Variants in GNAQ observed in about 807,000 individuals in gnomAD.
The protein encoded by GNAQ is guanine nucleotide-binding protein G(q) subunit alpha.
GNAQ carries 8 observed loss-of-function variants against 43.9 expected under a neutral mutation model. That is an observed-to-expected ratio of 0.18 (90% confidence interval 0.11 to 0.33). GNAQ has a LOEUF of 0.33. GNAQ is among the 10% of genes least tolerant of loss of function. The probability of loss-of-function intolerance (pLI) is 1.00; values close to 1 mark genes in which losing one functional copy is unlikely to be tolerated. For missense variants in GNAQ, 158 were observed against 450.8 expected (o/e 0.35, Z 5.88); for synonymous variants, 155 against 170.7 (o/e 0.91, Z 0.71).
chr9:77,801,765 C>T (rs1406383129), intron 3 of GNAQ, among the ~76,000 whole-genome samples: 1 of 152,120 alleles, frequency 6.6e-6, no homozygotes, highest in Non-Finnish European at 1.5e-5. Context: ...AACAAAACCT[C>T]CAACTAAACA....
chr9:78,012,993 CA>C (rs575530074), intron 1 of GNAQ, among the ~76,000 whole-genome samples: 1 of 151,858 alleles, frequency 6.6e-6, no homozygotes, highest in East Asian at 1.9e-4. Flanking sequence ...CAGAGATGGA[CA>C]AAAGACAGTG....
At chr9:77,926,196 A>G (rs1351509045) in intron 1 of GNAQ, among the ~76,000 whole-genome samples, 1 of 152,200 alleles carries the variant, frequency 6.6e-6, no homozygotes, top group African/African-American at 2.4e-5. Flanking sequence ...CAAATGTGTA[A>G]GCCAAATTTC....
At chr9:77,760,776 G>C (rs1233151707) in intron 5 of GNAQ, among the ~76,000 whole-genome samples, 2 of 150,770 alleles carry the variant, frequency 1.3e-5, no homozygotes, top group African/African-American at 2.4e-5. Flanking sequence ...GCCTCTTCCC[G>C]GCCGCCATCC....
chr9:78,010,017 A>G (rs1823754698), intron 1 of GNAQ, among the ~76,000 whole-genome samples: 1 of 152,208 alleles, frequency 6.6e-6, no homozygotes, highest in Non-Finnish European at 1.5e-5. Context: ...AATTGTTGGG[A>G]TAATTTATTT....
At chr9:78,008,581 TTTCATTTC>T (rs1823734117) in intron 1 of GNAQ, among the ~76,000 whole-genome samples, 1 of 124,106 alleles carries the variant, frequency 8.1e-6, no homozygotes, top group Non-Finnish European at 1.7e-5. Context: ...TTTCATTTCA[TTTCATTTC>T]ATTTCATTTC....
At chr9:77,973,307 T>C (rs775958911) in intron 1 of GNAQ, among the ~76,000 whole-genome samples, 2 of 152,194 alleles carry the variant, frequency 1.3e-5, no homozygotes, top group Admixed American at 1.3e-4. Flanking sequence ...CCCCAGTCCT[T>C]GTCCCTGCAT....
intron 1 of GNAQ, among the ~76,000 whole-genome samples, chr9:77,978,999 C>A (rs374432152): frequency 7.2e-5 from 11 of 152,246 alleles, no homozygotes; most frequent in African/African-American, 2.6e-4. Flanking sequence ...GAGGTTGCCT[C>A]TGCCTAGATT....
At chr9:77,841,084 T>TA (rs138104311) in intron 2 of GNAQ, among the ~76,000 whole-genome samples, 4,725 of 151,906 alleles carry the variant, frequency 0.031, 212 homozygotes, top group African/African-American at 0.1. Flanking sequence ...GTATTCATGT[T>TA]AAAAAAACAA....
At chr9:78,002,045 T>C (rs965559050) in intron 1 of GNAQ, among the ~76,000 whole-genome samples, 3 of 152,224 alleles carry the variant, frequency 2.0e-5, no homozygotes, top group African/African-American at 4.8e-5. Context: ...GATTTGTCAA[T>C]ATAAGGCCAT....
chr9:77,841,685 A>G (rs543087626), intron 2 of GNAQ, among the ~76,000 whole-genome samples: 2 of 152,342 alleles, frequency 1.3e-5, no homozygotes, highest in South Asian at 4.1e-4. Flanking sequence ...AGTAAGTGAA[A>G]CAAATAATAT....
intron 2 of GNAQ, among the ~76,000 whole-genome samples, chr9:77,830,277 C>A (rs188361962): frequency 2.0e-5 from 3 of 152,124 alleles, no homozygotes; most frequent in African/African-American, 7.2e-5. Flanking sequence ...TAATGCCCCC[C>A]CAAGTGGTCT....
intron 5 of GNAQ, among the ~76,000 whole-genome samples, chr9:77,780,618 T>G (rs1826380016): frequency 6.6e-6 from 1 of 152,162 alleles, no homozygotes; most frequent in South Asian, 2.1e-4. Context: ...TTGCTTTGGA[T>G]AAAGGCCCTA....
chr9:77,825,719 T>A (rs993994061), intron 2 of GNAQ, among the ~76,000 whole-genome samples: 1 of 152,164 alleles, frequency 6.6e-6, no homozygotes, highest in Non-Finnish European at 1.5e-5. Context: ...GTTAAAAACA[T>A]CCTGGATTAT....
chr9:78,027,861 A>C (rs961050345), intron 1 of GNAQ, among the ~76,000 whole-genome samples: 22 of 152,178 alleles, frequency 1.4e-4, no homozygotes, highest in African/African-American at 5.3e-4. Flanking sequence ...AGATCTAAAG[A>C]GTAAAAGACT....
At chr9:77,770,022 G>A (rs1826198229) in intron 5 of GNAQ, among the ~76,000 whole-genome samples, 1 of 152,116 alleles carries the variant, frequency 6.6e-6, no homozygotes, top group African/African-American at 2.4e-5. Flanking sequence ...ACAACAAGTA[G>A]CAGCTTTTCC....
At chr9:77,993,050 A>G (rs1015539381) in intron 1 of GNAQ, among the ~76,000 whole-genome samples, 1 of 152,226 alleles carries the variant, frequency 6.6e-6, no homozygotes, top group African/African-American at 2.4e-5. Context: ...ACATTCCAAT[A>G]TTGTTAGCTA....
chr9:77,824,399 A>T (rs994981028), intron 2 of GNAQ, among the ~76,000 whole-genome samples: 1 of 152,176 alleles, frequency 6.6e-6, no homozygotes, highest in African/African-American at 2.4e-5. Context: ...TCTCAGTTCA[A>T]ATATTTTCAT....
At chr9:77,988,393 C>A (rs938876694) in intron 1 of GNAQ, among the ~76,000 whole-genome samples, 1 of 152,230 alleles carries the variant, frequency 6.6e-6, no homozygotes, top group Non-Finnish European at 1.5e-5. Context: ...TCCTACACTG[C>A]AACCTAAAAG....
intron 2 of GNAQ, among the ~76,000 whole-genome samples, chr9:77,914,427 G>A (rs1828861716): frequency 6.6e-6 from 1 of 152,196 alleles, no homozygotes; most frequent in African/African-American, 2.4e-5. Context: ...GGGAGGCCGA[G>A]GCGGGCGGAC....
Sources: allele counts gnomAD v4.1 joint callset (sites outside exome capture counted in the v4.1 genomes callset), GRCh38; gene constraint gnomAD v4.1.1; transcripts MANE v1.5; gene names NCBI Gene and HGNC (gene_info 2026-07-23, HGNC 2026-07-21).